PTK2B: variants seen among roughly 807,000 people sequenced by gnomAD.
PTK2B encodes protein-tyrosine kinase 2-beta.
In PTK2B, 71 loss-of-function variants were observed where a neutral mutation model predicts 142.9. The ratio of observed to expected loss-of-function variants is 0.50; its 90% CI spans 0.41 to 0.61. PTK2B has a LOEUF of 0.61. PTK2B is among the 20% of genes least tolerant of loss of function. The pLI, the probability that PTK2B is intolerant of heterozygous loss-of-function variation, is 0.00. For synonymous variants in PTK2B, 519 were observed against 503.4 expected (o/e 1.03, Z -0.42); for missense variants, 1,105 against 1,320.4 (o/e 0.84, Z 2.53).
intron 1 of PTK2B, among the ~76,000 whole-genome samples, chr8:27,382,157 A>C (rs1196088541): frequency 6.6e-6 from 1 of 152,212 alleles, no homozygotes; most frequent in Non-Finnish European, 1.5e-5. Flanking sequence ...CATGTTGGCC[A>C]GGCTGGTCTT....
intron 1 of PTK2B, among the ~76,000 whole-genome samples, chr8:27,397,286 G>T (rs979585225): frequency 6.6e-6 from 1 of 152,204 alleles, no homozygotes; most frequent in East Asian, 1.9e-4. Context: ...GGGTCAGAGA[G>T]AGGGGCTTCC....
intron 20 of PTK2B, 103 bp from the exon 21 acceptor site, chr8:27,440,134 A>C: frequency 1.6e-6 from 2 of 1,214,254 alleles, no homozygotes; most frequent in Non-Finnish European, 2.4e-6. Flanking sequence ...GAGGGACCGC[A>C]GGAGCTGCTC....
intron 1 of PTK2B, among the ~76,000 whole-genome samples, chr8:27,365,853 T>A (rs1805990298): frequency 6.6e-6 from 1 of 152,214 alleles, no homozygotes; most frequent in African/African-American, 2.4e-5. Context: ...GTAATTTGCC[T>A]TCCTTTCAAG....
chr8:27,454,177 G>A lies in PTK2B; in HGVS notation c.2619G>A (p.Leu873=), dbSNP rs769128457. 37 of 1,614,176 alleles carry A rather than the reference G, an allele frequency of 2.3e-5. 1 individual carries two copies. The South Asian group carries it at 4.0e-4, about 17-fold the overall frequency. ...GAQSIQPTAN[L]DRTDDLVYLN... Reference sequence around the variant, plus strand: ...AGTCCATCCAGCCCACAGCTAACCTGGACCGGACTGATGACCTGGTGTACC... The same window carrying A: ...AGTCCATCCAGCCCACAGCTAACCTAGACCGGACTGATGACCTGGTGTACC... The change falls in exon 29 of 31, where the codon CTG becomes CTA. Residue 873 remains leucine (L), a synonymous_variant. Coordinates refer to ENST00000346049, the MANE Select transcript of PTK2B (RefSeq NM_173176.3).
chr8:27,336,859 G>A (rs575500114), intron 1 of PTK2B, among the ~76,000 whole-genome samples: 26 of 151,798 alleles, frequency 1.7e-4, no homozygotes, highest in African/African-American at 5.3e-4. Flanking sequence ...TTTTTGAGAC[G>A]GAGTCTCTCT....
intron 1 of PTK2B, among the ~76,000 whole-genome samples, chr8:27,339,836 T>C (rs150054230): frequency 1.1e-3 from 169 of 152,342 alleles, no homozygotes; most frequent in African/African-American, 3.8e-3. Flanking sequence ...GGTCAGCATC[T>C]TTCAGAGAAG....
rs146848341 is a variant in PTK2B at position 27,336,563 on chromosome 8, ATGTAAACTT to A, written c.-38+10887_-38+10895del. On this transcript the variant is annotated intron_variant, in intron 1 of 30. Coordinates refer to ENST00000346049, the MANE Select transcript of PTK2B (RefSeq NM_173176.3). ...AAAAAATTAAAAAGCTTATTTTCAT[ATGTAAACTT>A]TGTAGGATAATGTTGAATAGATTAT... Among the ~76,000 whole-genome samples, 929 of 152,366 alleles carry A rather than the reference ATGTAAACTT, an allele frequency of 6.1e-3. 5 individuals carry two copies. Among genetic ancestry groups the A allele is most frequent in the African/African-American group, 0.021 (869 of 41,584 alleles).
At chr8:27,390,968 T>C (rs1807682178) in intron 1 of PTK2B, among the ~76,000 whole-genome samples, 1 of 152,302 alleles carries the variant, frequency 6.6e-6, no homozygotes, top group East Asian at 1.9e-4. Flanking sequence ...CTGAAGAAAG[T>C]GGTTTAAATC....
chr8:27,339,363 C>T (rs562294211), intron 1 of PTK2B, among the ~76,000 whole-genome samples: 2 of 152,324 alleles, frequency 1.3e-5, no homozygotes, highest in South Asian at 2.1e-4. Flanking sequence ...CTTCTACCTT[C>T]TCTGGGGTGA....
chr8:27,370,809 A>C (rs1026129856), intron 1 of PTK2B, among the ~76,000 whole-genome samples: 2 of 152,238 alleles, frequency 1.3e-5, no homozygotes, highest in Admixed American at 1.3e-4. Flanking sequence ...TATGATGAAA[A>C]GAGGATGATC....
intron 1 of PTK2B, among the ~76,000 whole-genome samples, chr8:27,390,410 G>A (rs938051293): frequency 6.6e-6 from 1 of 152,064 alleles, no homozygotes; most frequent in Non-Finnish European, 1.5e-5. Context: ...TGAGGAGGAA[G>A]GATCACTTGA....
In PTK2B at chr8:27,407,364, A is replaced by G. The variant is rs146479591; in HGVS notation, c.204+9576A>G. 4.6e-5 allele frequency among the ~76,000 whole-genome samples: 7 copies of G among 152,252 alleles called. No homozygotes were observed. In the East Asian group the frequency reaches 1.4e-3, roughly 29 times the overall value. On this transcript the variant is annotated intron_variant, in intron 2 of 30. Transcript: ENST00000346049. ...TTGCCCTGGGAACATAAAACCCTTC[A>G]TGATTCTCTTGCTTGAAGCAGAAGG...
chr8:27,392,660 T>C (rs971892285), intron 1 of PTK2B, among the ~76,000 whole-genome samples: 19 of 152,192 alleles, frequency 1.2e-4, no homozygotes, highest in African/African-American at 4.1e-4. Context: ...TGGCATGGAA[T>C]TGAGAGCTAT....
At chr8:27,422,461 A>ATGGGAAGCAGGAATGAGTGTG in intron 5 of PTK2B, 78 bp downstream of exon 5, 1 of 1,302,052 alleles carries the variant, frequency 7.7e-7, no homozygotes, top group Non-Finnish European at 1.0e-6. Context: ...CATGTCCAAG[A>ATGGGAAGCAGGAATGAGTGTG]TGGGAAGCAG....
chr8:27,441,922 A>C (rs1214226748), intron 21 of PTK2B, among the ~76,000 whole-genome samples: 1 of 151,992 alleles, frequency 6.6e-6, no homozygotes, highest in Non-Finnish European at 1.5e-5. Flanking sequence ...AGGTGTTCCC[A>C]TCAGAGGCAT....
chr8:27,379,588 G>C (rs1806886524), intron 1 of PTK2B, among the ~76,000 whole-genome samples: 1 of 152,054 alleles, frequency 6.6e-6, no homozygotes, highest in African/African-American at 2.4e-5. Flanking sequence ...GTAACCATAG[G>C]AGCACATTTC....
At chr8:27,456,334 C>T (rs1318017281) in intron 30 of PTK2B, among the ~76,000 whole-genome samples, 1 of 152,150 alleles carries the variant, frequency 6.6e-6, no homozygotes, top group Admixed American at 6.5e-5. Context: ...TTTGGTAATT[C>T]TCACAATATT....
chr8:27,327,372 G>A (rs887808677), intron 1 of PTK2B, among the ~76,000 whole-genome samples: 2 of 151,988 alleles, frequency 1.3e-5, no homozygotes, highest in Admixed American at 1.3e-4. Context: ...ATAAAAGCAC[G>A]GGACACTCAG....
At chr8:27,445,463 A>G (rs369172824) in intron 23 of PTK2B, among the ~76,000 whole-genome samples, 5 of 152,212 alleles carry the variant, frequency 3.3e-5, no homozygotes, top group African/African-American at 1.2e-4. Flanking sequence ...TGTGTTAACC[A>G]CATCAGTCAG....
Sources: allele counts gnomAD v4.1 joint callset (sites outside exome capture counted in the v4.1 genomes callset), GRCh38; gene constraint gnomAD v4.1.1; transcripts MANE v1.5; gene names NCBI Gene and HGNC (gene_info 2026-07-23, HGNC 2026-07-21).